The following LMO1 variants were observed in gnomAD, a reference collection of about 807,000 sequenced individuals.
LMO1 encodes the protein rhombotin-1.
In LMO1, 10 loss-of-function variants were observed where a neutral mutation model predicts 18.0. The ratio of observed to expected loss-of-function variants is 0.55; its 90% CI spans 0.34 to 0.94. The LOEUF is 0.94. Among genes scored for constraint, LMO1 ranks in the 40% least tolerant of loss-of-function variants. The pLI, the probability that LMO1 is intolerant of heterozygous loss-of-function variation, is 0.02. For synonymous variants in LMO1, 77 were observed against 77.9 expected, an observed-to-expected ratio of 0.99 and a Z score of 0.06; for missense variants, 183 against 205.7, an observed-to-expected ratio of 0.89 and a Z score of 0.68.
At chr11:8,232,173 T>C (rs965281068) in intron 1 of LMO1, among the ~76,000 whole-genome samples, 4 of 152,148 alleles carry the variant, frequency 2.6e-5, no homozygotes, top group African/African-American at 9.6e-5. Flanking sequence ...CCCTCCTCCT[T>C]CTCCTCCCTG....
chr11:8,248,282 T>G (rs1029760677), intron 1 of LMO1, among the ~76,000 whole-genome samples: 4 of 152,250 alleles, frequency 2.6e-5, no homozygotes, highest in Middle Eastern at 3.2e-3. Context: ...GGGTTCTCTC[T>G]CCTTGGAAGA....
chr11:8,246,864 C>T (rs369536523), intron 1 of LMO1, among the ~76,000 whole-genome samples: 108 of 152,272 alleles, frequency 7.1e-4, no homozygotes, highest in African/African-American at 2.3e-3. Context: ...CCATGGCCAG[C>T]CTCACAGGGG....
At chr11:8,250,964 G>C (rs1222898048) in intron 1 of LMO1, among the ~76,000 whole-genome samples, 1 of 152,186 alleles carries the variant, frequency 6.6e-6, no homozygotes, top group Non-Finnish European at 1.5e-5. Context: ...GAAACAGCAG[G>C]GGACAGGGCC....
At chr11:8,250,965 G>A (rs900651945) in intron 1 of LMO1, among the ~76,000 whole-genome samples, 4 of 152,172 alleles carry the variant, frequency 2.6e-5, no homozygotes, top group Admixed American at 6.5e-5. Context: ...AAACAGCAGG[G>A]GACAGGGCCT....
chr11:8,226,498 G>A (rs952144329), intron 3 of LMO1, among the ~76,000 whole-genome samples: 3 of 152,136 alleles, frequency 2.0e-5, no homozygotes, highest in African/African-American at 7.2e-5. Flanking sequence ...CCCAGCCTGG[G>A]CAACAGAGTG....
intron 1 of LMO1, among the ~76,000 whole-genome samples, chr11:8,253,376 T>C (rs1409880503): frequency 6.6e-6 from 1 of 152,210 alleles, no homozygotes; most frequent in African/African-American, 2.4e-5. Context: ...CTCAGAAGCT[T>C]TGCCTGTTCA....
intron 1 of LMO1, among the ~76,000 whole-genome samples, chr11:8,243,838 C>T (rs1220247721): frequency 6.6e-6 from 1 of 152,230 alleles, no homozygotes; most frequent in Non-Finnish European, 1.5e-5. Context: ...ATGTTCCTGG[C>T]AGCTTCGGCT....
At chr11:8,266,439 CA>C (rs1173817598), upstream of LMO1, among the ~76,000 whole-genome samples, 5 of 151,836 alleles carry the variant, frequency 3.3e-5, no homozygotes, top group Non-Finnish European at 5.9e-5. Context: ...GTGGAATCCT[CA>C]GATCCCCTGG....
In LMO1 at chr11:8,240,217, C is replaced by T. The variant is rs974944275; in HGVS notation, c.26-9713G>A. Among the ~76,000 whole-genome samples, 176 of 152,196 alleles carry T rather than the reference C, an allele frequency of 1.2e-3. 1 individual carries two copies. Among genetic ancestry groups the T allele is most frequent in the African/African-American group, 4.1e-3 (171 of 41,450 alleles). On this transcript the variant is annotated intron_variant, in intron 1 of 3. Coordinates refer to ENST00000335790, the MANE Select transcript of LMO1 (RefSeq NM_002315.3). ...CAGGGAAAGGTTGGGCTGCTGATCC[C>T]CAGAGCTCCCCAGAGGGGCCATTTC...
chr11:8,248,205 C>T (rs1048831231), intron 1 of LMO1, among the ~76,000 whole-genome samples: 1 of 152,240 alleles, frequency 6.6e-6, no homozygotes, highest in Non-Finnish European at 1.5e-5. Flanking sequence ...GCCCTCATGC[C>T]GCTGCCGTCA....
At chr11:8,232,452 G>A (rs1237291175) in intron 1 of LMO1, among the ~76,000 whole-genome samples, 1 of 152,190 alleles carries the variant, frequency 6.6e-6, no homozygotes, top group African/African-American at 2.4e-5. Context: ...GTGGGGAAAT[G>A]GGAGAGGAGT....
At position 8,263,748 on chromosome 11, in the gene LMO1, G is replaced by A. The variant is rs1262710633; in HGVS notation, c.-386C>T. 1 of 1,092,582 alleles carries A rather than the reference G, an allele frequency of 9.2e-7. No homozygotes were observed. Among genetic ancestry groups the A allele is most frequent in the Non-Finnish European group, 1.1e-6 (1 of 898,918 alleles). The allele number at this position is 1,092,582 out of a possible 1,614,324, so 67.7% of individuals were successfully genotyped here. A position where few individuals can be genotyped will look rare whatever the true frequency, so the allele number is the denominator to read the frequency against. ...TTGATAGCTCATAACCCTGTCTCTG[G>A]CAACGACACAGCTTTCAGCCTCATA... On this transcript the variant is annotated 5_prime_UTR_variant, in exon 1 of 4. Coordinates refer to ENST00000335790, the MANE Select transcript of LMO1 (RefSeq NM_002315.3).
chr11:8,263,610 G>GA lies in LMO1; in HGVS notation c.-249dup. 1 of 1,360,012 alleles carries GA rather than the reference G, an allele frequency of 7.4e-7. No individual in the cohort carries two copies. The allele number at this position is 1,360,012 out of a possible 1,614,324, so 84.2% of individuals were successfully genotyped here. On this transcript the variant is annotated 5_prime_UTR_variant, in exon 1 of 4. Coordinates refer to ENST00000335790, the MANE Select transcript of LMO1 (RefSeq NM_002315.3). ...AAGGAACTACGAACTGCAATTTAGA[G>GA]AGAGAGGGAGAGGGAGAGAGAAGGG... is the stretch of plus-strand genomic sequence containing the variant.
At chr11:8,239,886 G>A (rs1846755515) in intron 1 of LMO1, among the ~76,000 whole-genome samples, 1 of 152,258 alleles carries the variant, frequency 6.6e-6, no homozygotes, top group Admixed American at 6.5e-5. Flanking sequence ...CCAGATGACA[G>A]TAAACCATGT....
intron 2 of LMO1, 115 bp from the exon 3 acceptor site, chr11:8,227,215 A>C: frequency 6.7e-7 from 1 of 1,496,416 alleles, no homozygotes; most frequent in Non-Finnish European, 8.9e-7. Flanking sequence ...TGGGCTCAGC[A>C]GGTGGGCTCA....
intron 1 of LMO1, among the ~76,000 whole-genome samples, chr11:8,262,559 C>G (rs1242053521): frequency 2.0e-5 from 3 of 152,220 alleles, no homozygotes; most frequent in African/African-American, 7.2e-5. Flanking sequence ...TCTGTTCCGA[C>G]CTTTCCCGTG....
chr11:8,233,420 T>C (rs1237436626), intron 1 of LMO1, among the ~76,000 whole-genome samples: 1 of 152,186 alleles, frequency 6.6e-6, no homozygotes, highest in African/African-American at 2.4e-5. Context: ...ACTTCCTTCA[T>C]CTGCCCATAA....
rs373280023 is a variant in LMO1 at position 8,236,636 on chromosome 11, C to T, written c.26-6132G>A. On this transcript the variant is annotated intron_variant, in intron 1 of 3. Coordinates refer to ENST00000335790, the MANE Select transcript of LMO1 (RefSeq NM_002315.3). The stretch of plus-strand genomic sequence containing the variant: ...AGAAGACACACGGAGAGCATGCAGA[C>T]ACTCGCCACACAGCTGCAGGACACA... 1.1e-4 allele frequency among the ~76,000 whole-genome samples: 17 copies of T among 152,170 alleles called. No homozygotes were observed. In the East Asian group the frequency reaches 1.9e-3, roughly 17 times the overall value.
At chr11:8,238,863 A>C (rs1428157232) in intron 1 of LMO1, among the ~76,000 whole-genome samples, 2 of 152,100 alleles carry the variant, frequency 1.3e-5, no homozygotes, top group Non-Finnish European at 2.9e-5. Context: ...TTAACTGCAT[A>C]TATGTGATAC....
Sources: allele counts gnomAD v4.1 joint callset (sites outside exome capture counted in the v4.1 genomes callset), GRCh38; gene constraint gnomAD v4.1.1; transcripts MANE v1.5; gene names NCBI Gene and HGNC (gene_info 2026-07-23, HGNC 2026-07-21).